SLC8A3: variants seen among roughly 807,000 people sequenced by gnomAD.
SLC8A3 encodes the protein solute carrier family 8 member A3.
Under a neutral mutation model 65.4 loss-of-function variants are expected in SLC8A3, and 37 were observed. That is an observed-to-expected ratio of 0.57 (90% CI 0.44 to 0.74). SLC8A3 has a LOEUF of 0.74. Ranked by LOEUF, SLC8A3 falls within the 30% of genes least tolerant of loss-of-function variation. The pLI is 0.00. For missense variants in SLC8A3, 1,112 were observed against 1,172.1 expected (o/e 0.95, Z 0.75); for synonymous variants, 461 against 444.5 (o/e 1.04, Z -0.47).
At position 70,126,547 on chromosome 14, in the gene SLC8A3, T is replaced by TTC. The variant is rs36183214; in HGVS notation, c.1784+40090_1784+40091dup. 9.4e-3 allele frequency among the ~76,000 whole-genome samples: 1,104 copies of TTC among 118,044 alleles called. 17 individuals are homozygous for TTC. The highest frequency in any genetic ancestry group is 0.032 in the African/African-American group (1,024 of 32,450). 77.4% of individuals were successfully genotyped at this position (118,044 alleles called of 152,430 possible). A position where few individuals can be genotyped will look rare whatever the true frequency, so the allele number is the denominator to read the frequency against. ...TTAGAATATAAAGGAAGAAAGAAAA[T>TTC]TCTCTCTCTCTCTCTCTCTCTCTCA... is the stretch of plus-strand genomic sequence containing the variant. On this transcript the variant is annotated intron_variant, in intron 2 of 6. Coordinates refer to ENST00000356921, the MANE Select transcript of SLC8A3 (RefSeq NM_182932.3).
chr14:70,189,349 C>A (rs79860692), upstream of SLC8A3, among the ~76,000 whole-genome samples: 921 of 152,274 alleles, frequency 6.0e-3, 44 homozygotes, highest in South Asian at 0.088. Context: ...AGCAGGCGGG[C>A]GCGCGGCACC....
chr14:70,109,046 T>C (rs1893080461), intron 2 of SLC8A3, among the ~76,000 whole-genome samples: 2 of 152,220 alleles, frequency 1.3e-5, no homozygotes, highest in African/African-American at 4.8e-5. Flanking sequence ...CTCTTTCATG[T>C]GTAGCACTTT....
intron 2 of SLC8A3, among the ~76,000 whole-genome samples, chr14:70,068,346 A>C (rs1457044802): frequency 6.6e-6 from 1 of 152,310 alleles, no homozygotes; most frequent in East Asian, 1.9e-4. Flanking sequence ...GCTCACCACC[A>C]TGAGAACCAT....
intron 2 of SLC8A3, among the ~76,000 whole-genome samples, chr14:70,119,840 T>C (rs1242670865): frequency 6.6e-6 from 1 of 152,260 alleles, no homozygotes; most frequent in Non-Finnish European, 1.5e-5. Flanking sequence ...ACGTTCTGTA[T>C]AATTGCTAGT....
intron 2 of SLC8A3, among the ~76,000 whole-genome samples, chr14:70,147,795 C>A (rs1896026558): frequency 6.6e-6 from 1 of 152,196 alleles, no homozygotes; most frequent in African/African-American, 2.4e-5. Flanking sequence ...TTAACTGCAG[C>A]TAAATTGTGC....
At chr14:70,130,512 G>C (rs1894754196) in intron 2 of SLC8A3, among the ~76,000 whole-genome samples, 1 of 152,188 alleles carries the variant, frequency 6.6e-6, no homozygotes, top group Non-Finnish European at 1.5e-5. Context: ...CAGCTTTCCT[G>C]CAGTCCTCTG....
intron 2 of SLC8A3, among the ~76,000 whole-genome samples, chr14:70,123,599 G>C (rs1894232752): frequency 6.6e-6 from 1 of 151,858 alleles, no homozygotes; most frequent in Non-Finnish European, 1.5e-5. Context: ...ACAGGCACCT[G>C]TCACCACACC....
In SLC8A3 at chr14:70,057,294, GTAGATAGATAGA is replaced by G. The variant is rs3052660; in HGVS notation, c.1888+3530_1888+3541del. Reference sequence around the variant, plus strand: ...TAGATAGATATAGATAGGCAGATAGGTAGATAGATAGATAGATAGATAGATAGATAGATAGAT... The same window carrying G: ...TAGATAGATATAGATAGGCAGATAGGTAGATAGATAGATAGATAGATAGAT... On this transcript the variant is annotated intron_variant, in intron 3 of 6. Transcript: ENST00000356921. 1.3e-3 allele frequency among the ~76,000 whole-genome samples: 199 copies of G among 149,580 alleles called. 1 individual carries two copies. The highest frequency in any genetic ancestry group is 4.2e-3 in the East Asian group (21 of 5,038).
chr14:70,151,248 C>T (rs138473726), intron 2 of SLC8A3, among the ~76,000 whole-genome samples: 5,002 of 139,048 alleles, frequency 0.036, 291 homozygotes, highest in African/African-American at 0.13. Flanking sequence ...TGCGAGACTC[C>T]GCCTCAAAAA....
At chr14:70,063,819 A>G (rs767372259) in intron 2 of SLC8A3, 4 of 1,534,782 alleles carry the variant, frequency 2.6e-6, no homozygotes, top group Non-Finnish European at 3.6e-6. Flanking sequence ...ACAGGGTACT[A>G]CACCTTTCTG....
chr14:70,073,871 T>C (rs1157660729), intron 2 of SLC8A3, among the ~76,000 whole-genome samples: 4 of 152,218 alleles, frequency 2.6e-5, no homozygotes, highest in Admixed American at 1.3e-4. Flanking sequence ...TCCACCTTAA[T>C]TCCCTGTCCA....
chr14:70,082,640 C>T (rs1242645582), intron 2 of SLC8A3, among the ~76,000 whole-genome samples: 2 of 152,184 alleles, frequency 1.3e-5, no homozygotes, highest in South Asian at 4.1e-4. Flanking sequence ...GCACATACAA[C>T]TTCTGTCTTC....
At chr14:70,185,040 C>T (rs8019600) in intron 1 of SLC8A3, among the ~76,000 whole-genome samples, 50,207 of 147,920 alleles carry the variant, frequency 0.34, 8,856 homozygotes, top group Admixed American at 0.42. Flanking sequence ...ATTCTCGGCT[C>T]ACTGCAACCT....
At chr14:70,124,461 C>T (rs1239287426) in intron 2 of SLC8A3, among the ~76,000 whole-genome samples, 1 of 152,242 alleles carries the variant, frequency 6.6e-6, no homozygotes, top group Admixed American at 6.5e-5. Flanking sequence ...CCCACTATGG[C>T]CTCTCATGTT....
intron 1 of SLC8A3, among the ~76,000 whole-genome samples, chr14:70,184,966 CT>C (rs11337843): frequency 0.74 from 80,720 of 108,432 alleles, 29,153 homozygotes; most frequent in Admixed American, 0.81. Flanking sequence ...TTTTTCTTTT[CT>C]TTTTTTTTTT....
chr14:70,082,721 G>A (rs1419645682), intron 2 of SLC8A3, among the ~76,000 whole-genome samples: 1 of 152,130 alleles, frequency 6.6e-6, no homozygotes. Context: ...CCAATGCTTG[G>A]CCAACTGAGG....
intron 2 of SLC8A3, chr14:70,080,091 T>G (rs560111136): frequency 4.1e-6 from 4 of 985,528 alleles, no homozygotes; most frequent in African/African-American, 3.5e-5. Flanking sequence ...TTCCTTCCCC[T>G]CTTTCCTTGA....
chr14:70,079,109 C>T (rs1189312851), intron 2 of SLC8A3, among the ~76,000 whole-genome samples: 5 of 152,094 alleles, frequency 3.3e-5, no homozygotes, highest in Non-Finnish European at 7.4e-5. Flanking sequence ...CTAATAAGCT[C>T]TACAAGGGCA....
chr14:70,110,385 T>C (rs1893205358), intron 2 of SLC8A3, among the ~76,000 whole-genome samples: 1 of 150,460 alleles, frequency 6.6e-6, no homozygotes, highest in Non-Finnish European at 1.5e-5. Flanking sequence ...ACTCTCTATG[T>C]CCATAGGTTC....
Sources: gnomAD v4.1 joint callset for allele counts (sites outside exome capture counted in the v4.1 genomes callset) on GRCh38, gnomAD v4.1.1 for gene constraint, MANE v1.5 for transcripts, NCBI Gene and HGNC (gene_info 2026-07-23, HGNC 2026-07-21) for gene names.